Variants in SEMA3A observed in about 807,000 individuals in gnomAD.
The protein encoded by SEMA3A is semaphorin 3A.
In SEMA3A, 29 loss-of-function variants were observed where a neutral mutation model predicts 97.9. That is an observed-to-expected ratio of 0.30 (90% CI 0.22 to 0.40). The LOEUF is 0.40. Among genes scored for constraint, SEMA3A ranks in the 10% least tolerant of loss-of-function variants. The probability of loss-of-function intolerance (pLI) is 1.00; values close to 1 mark genes in which losing one functional copy is unlikely to be tolerated. For synonymous variants in SEMA3A, 321 were observed against 323.7 expected (o/e 0.99, Z 0.09); for missense variants, 763 against 951.3 (o/e 0.80, Z 2.60).
At chr7:84,169,468 A>G (rs933796152) in intron 1 of SEMA3A, among the ~76,000 whole-genome samples, 11 of 150,104 alleles carry the variant, frequency 7.3e-5, no homozygotes, top group Non-Finnish European at 1.2e-4. Flanking sequence ...GAAGCAATAT[A>G]TAAGTAGTAG....
At chr7:84,101,787 C>A (rs77996946) in intron 4 of SEMA3A, among the ~76,000 whole-genome samples, 2 of 152,056 alleles carry the variant, frequency 1.3e-5, no homozygotes, top group Admixed American at 6.6e-5. Flanking sequence ...CTGAGCTGTC[C>A]TATACGGGAG....
At position 84,280,713 on chromosome 7, in the gene SEMA3A, G is replaced by A. The variant is rs373836175; in HGVS notation, c.-83+26494C>T. ...GCAGAATTCCTTGAACCCGGGAGGC[G>A]GAGGTTGTAGTGACTTGAGATCGCC... On this transcript the variant is annotated intron_variant, in intron 3 of 3. Coordinates refer to the SEMA3A transcript ENST00000424555. Among the ~76,000 whole-genome samples, 19 of 152,134 alleles carry A rather than the reference G, an allele frequency of 1.2e-4. No homozygotes were observed. The East Asian group carries it at 2.1e-3, about 17-fold the overall frequency.
chr7:84,301,475 CA>C (rs67535453), intron 3 of SEMA3A, among the ~76,000 whole-genome samples: 3,137 of 152,038 alleles, frequency 0.021, 109 homozygotes, highest in African/African-American at 0.072. Context: ...GGTAAATAGG[CA>C]AATTAAAATA....
intron 6 of SEMA3A, among the ~76,000 whole-genome samples, chr7:84,017,685 A>G (rs1296822228): frequency 6.6e-6 from 1 of 152,150 alleles, no homozygotes; most frequent in Non-Finnish European, 1.5e-5. Flanking sequence ...ACCTCTGCTC[A>G]CCACACATTT....
intron 1 of SEMA3A, 93 bp downstream of exon 1, chr7:84,194,382 G>T: frequency 2.5e-6 from 2 of 793,706 alleles, no homozygotes; most frequent in Non-Finnish European, 2.2e-6. Context: ...TAAACTAAAG[G>T]TTTGATGATT....
At chr7:84,370,077 C>A (rs1228861) in intron 2 of SEMA3A, among the ~76,000 whole-genome samples, 69,585 of 150,992 alleles carry the variant, frequency 0.46, 17,636 homozygotes, top group East Asian at 0.78. Flanking sequence ...TGAAGCGCAA[C>A]ATTTTAATGG....
rs1233877166 is a variant in SEMA3A at position 84,067,229 on chromosome 7, C to G, written c.454-6671G>C. On this transcript the variant is annotated intron_variant, in intron 4 of 16. Transcript: ENST00000265362. The stretch of plus-strand genomic sequence containing the variant: ...AAACTGGCTAGCCATATGTAGAAAG[C>G]TGAAACTGGATCCCTTCCTTACACC... Among the ~76,000 whole-genome samples, 3 of 152,158 alleles carry G rather than the reference C, an allele frequency of 2.0e-5. No individual in the cohort carries two copies. The East Asian group carries it at 5.8e-4, about 29-fold the overall frequency.
At chr7:83,970,800 T>C (rs1172909812) in intron 15 of SEMA3A, among the ~76,000 whole-genome samples, 1 of 152,176 alleles carries the variant, frequency 6.6e-6, no homozygotes, top group Admixed American at 6.5e-5. Flanking sequence ...AGTATTTCTC[T>C]CAATAATACT....
intron 12 of SEMA3A, among the ~76,000 whole-genome samples, chr7:83,992,554 G>T (rs1290945607): frequency 1.3e-5 from 2 of 151,916 alleles, no homozygotes; most frequent in African/African-American, 4.8e-5. Flanking sequence ...ACATCTTTAT[G>T]TCTGCCTTCA....
chr7:84,379,222 C>T (rs1414549230), intron 1 of SEMA3A, among the ~76,000 whole-genome samples: 1 of 152,084 alleles, frequency 6.6e-6, no homozygotes, highest in Non-Finnish European at 1.5e-5. Flanking sequence ...CCACCGTGCC[C>T]AGCCGTGACA....
chr7:84,249,030 T>C (rs1216681212), intron 3 of SEMA3A, among the ~76,000 whole-genome samples: 1 of 152,172 alleles, frequency 6.6e-6, no homozygotes, highest in Non-Finnish European at 1.5e-5. Flanking sequence ...GCAAATCATA[T>C]GCAATATTTC....
chr7:84,283,032 T>G (rs922735712), intron 3 of SEMA3A, among the ~76,000 whole-genome samples: 6 of 152,014 alleles, frequency 3.9e-5, no homozygotes, highest in African/African-American at 7.2e-5. Flanking sequence ...GCATTTTTTT[T>G]TAAGTAATGA....
At chr7:84,460,999 A>G (rs1805823308) in intron 1 of SEMA3A, among the ~76,000 whole-genome samples, 1 of 152,200 alleles carries the variant, frequency 6.6e-6, no homozygotes, top group Non-Finnish European at 1.5e-5. Context: ...GTTGAACAGC[A>G]GGGTTATTTA....
intron 6 of SEMA3A, among the ~76,000 whole-genome samples, chr7:84,029,944 G>T (rs1403184675): frequency 6.6e-6 from 1 of 151,930 alleles, no homozygotes; most frequent in African/African-American, 2.4e-5. Context: ...AGATTTGAAG[G>T]AAAAGATGAT....
intron 2 of SEMA3A, among the ~76,000 whole-genome samples, chr7:84,359,533 C>T (rs1271781376): frequency 2.6e-5 from 4 of 151,914 alleles, no homozygotes; most frequent in African/African-American, 7.3e-5. Context: ...CTGCTGGATT[C>T]GGTTTGCCAG....
intron 2 of SEMA3A, among the ~76,000 whole-genome samples, chr7:84,358,704 T>C (rs1430481293): frequency 2.0e-5 from 3 of 152,160 alleles, no homozygotes; most frequent in East Asian, 3.9e-4. Flanking sequence ...GGGGATGGCA[T>C]TGAATCTATA....
Position 84,011,013 on chromosome 7 carries a change from GTTACT to G in SEMA3A, c.995+4_995+8del, listed in dbSNP as rs1790853378. The G allele has an allele frequency of 6.3e-7, 1 of 1,583,722 alleles. No individual in the cohort carries two copies. Among genetic ancestry groups the G allele is most frequent in the Non-Finnish European group, 8.6e-7 (1 of 1,159,546 alleles). Reference sequence around the variant, plus strand: ...TAAGTTTCTATAAGGTAGTTAAAAAGTTACTTACCTGGAAGTCGTAAACACTCCAT... The same window carrying G: ...TAAGTTTCTATAAGGTAGTTAAAAAGTACCTGGAAGTCGTAAACACTCCAT... On this transcript the variant is annotated splice_donor_5th_base_variant and intron_variant, in intron 9 of 16. Coordinates refer to ENST00000265362, the MANE Select transcript of SEMA3A (RefSeq NM_006080.3).
At chr7:84,341,848 C>T (rs1321162558) in intron 2 of SEMA3A, among the ~76,000 whole-genome samples, 2 of 152,142 alleles carry the variant, frequency 1.3e-5, no homozygotes, top group Non-Finnish European at 2.9e-5. Context: ...ACTATGACTG[C>T]TGACCACCTT....
At chr7:84,205,325 A>G (rs989712266) in intron 3 of SEMA3A, among the ~76,000 whole-genome samples, 3 of 152,190 alleles carry the variant, frequency 2.0e-5, no homozygotes, top group Admixed American at 6.5e-5. Flanking sequence ...TGGCTGGTAA[A>G]TAAGTTAATT....
Sources: gnomAD v4.1 joint callset for allele counts (sites outside exome capture counted in the v4.1 genomes callset) on GRCh38, gnomAD v4.1.1 for gene constraint, MANE v1.5 for transcripts, NCBI Gene and HGNC (gene_info 2026-07-23, HGNC 2026-07-21) for gene names.